Variants in CACNG2 observed in about 807,000 individuals in gnomAD.
CACNG2 encodes voltage-dependent calcium channel gamma-2 subunit.
Under a neutral mutation model 25.9 loss-of-function variants are expected in CACNG2, and 3 were observed. That is an observed-to-expected ratio of 0.12 (90% CI 0.05 to 0.30). The LOEUF (loss-of-function observed/expected upper bound fraction) is 0.30, where lower values mean the gene tolerates loss of function less well. CACNG2 is among the 10% of genes least tolerant of loss of function. The pLI is 1.00. For synonymous variants in CACNG2, 167 were observed against 173.3 expected, an observed-to-expected ratio of 0.96 and a Z score of 0.29; for missense variants, 341 against 432.5, an observed-to-expected ratio of 0.79 and a Z score of 1.88.
At chr22:36,626,210 G>A (rs935467337) in intron 1 of CACNG2, among the ~76,000 whole-genome samples, 6 of 152,306 alleles carry the variant, frequency 3.9e-5, no homozygotes, top group African/African-American at 1.2e-4. Flanking sequence ...GTGAGCCACC[G>A]CACCCGGCGA....
chr22:36,703,179 A>G lies in CACNG2; in HGVS notation c.-603T>C, dbSNP rs1200559498. The G allele has an allele frequency of 6.5e-6, 1 of 154,630 alleles. No homozygotes were observed. Among genetic ancestry groups the G allele is most frequent in the Non-Finnish European group, 1.4e-5 (1 of 70,016 alleles). 9.6% of individuals were successfully genotyped at this position (154,630 alleles called of 1,614,324 possible). A position where few individuals can be genotyped will look rare whatever the true frequency, so the allele number is the denominator to read the frequency against. ...AGACCAGACTTCCCAGTATTCTGTA[A>G]GCCCTTGAGCTCAGCTGCACAGGTG... On this transcript the variant is annotated 5_prime_UTR_variant, in exon 1 of 4. Coordinates refer to ENST00000300105, the MANE Select transcript of CACNG2 (RefSeq NM_006078.5).
intron 1 of CACNG2, among the ~76,000 whole-genome samples, chr22:36,612,695 G>A (rs1382238283): frequency 6.6e-6 from 1 of 152,162 alleles, no homozygotes; most frequent in Admixed American, 6.5e-5. Context: ...TCCAAAGAAT[G>A]TGCTTCCCAC....
At chr22:36,669,023 CG>C (rs1286114016) in intron 1 of CACNG2, among the ~76,000 whole-genome samples, 1 of 152,138 alleles carries the variant, frequency 6.6e-6, no homozygotes, top group East Asian at 1.9e-4. Flanking sequence ...TAATGTCTTC[CG>C]GAAGTGCCCT....
At chr22:36,628,007 C>T (rs1432693052) in intron 1 of CACNG2, among the ~76,000 whole-genome samples, 1 of 152,044 alleles carries the variant, frequency 6.6e-6, no homozygotes, top group African/African-American at 2.4e-5. Flanking sequence ...GAACTGAATC[C>T]TAATAATATA....
Position 36,622,259 on chromosome 22 carries a change from T to G in CACNG2, c.212-34711A>C, listed in dbSNP as rs545320652. ...GTGGCACAATACTTGAAATCGGCAG[T>G]TCTCAATTATTAGTGTGCCATGGAA... On this transcript the variant is annotated intron_variant, in intron 1 of 3. Transcript: ENST00000300105. Among the ~76,000 whole-genome samples the G allele has an allele frequency of 2.6e-5, 4 of 152,342 alleles. No homozygotes were observed. In the South Asian group the frequency reaches 8.3e-4, roughly 32 times the overall value.
chr22:36,618,969 A>C (rs1289957778), intron 1 of CACNG2, among the ~76,000 whole-genome samples: 3 of 152,084 alleles, frequency 2.0e-5, no homozygotes, highest in Non-Finnish European at 2.9e-5. Context: ...AAAAAACAAA[A>C]CAAAAGCCTT....
chr22:36,702,361 A>T lies in CACNG2; in HGVS notation c.211+5T>A, dbSNP rs202200754. ...AGAGGGGGGAGGAGATGGGAAGTCAAGTACCTTCTAGGCAGCAGGTTCTCC... is the reference window on the plus strand; with the variant it reads ...AGAGGGGGGAGGAGATGGGAAGTCATGTACCTTCTAGGCAGCAGGTTCTCC... On this transcript the variant is annotated splice_donor_5th_base_variant and intron_variant, in intron 1 of 3. Coordinates refer to ENST00000300105, the MANE Select transcript of CACNG2 (RefSeq NM_006078.5). 23 of 1,608,774 alleles carry T rather than the reference A, an allele frequency of 1.4e-5. No homozygotes were observed. The East Asian group carries it at 5.1e-4, about 36-fold the overall frequency.
chr22:36,663,670 G>T (rs891378202), intron 1 of CACNG2, among the ~76,000 whole-genome samples: 1 of 152,190 alleles, frequency 6.6e-6, no homozygotes, highest in African/African-American at 2.4e-5. Context: ...CATCCAAAGA[G>T]TTTGCAGCGC....
chr22:36,586,834 T>A (rs1252191962), intron 2 of CACNG2, among the ~76,000 whole-genome samples: 1 of 152,228 alleles, frequency 6.6e-6, no homozygotes, highest in African/African-American at 2.4e-5. Flanking sequence ...ACTTGAGACA[T>A]TTCCTTGGAG....
At chr22:36,598,793 A>T (rs1488060230) in intron 1 of CACNG2, among the ~76,000 whole-genome samples, 5 of 152,106 alleles carry the variant, frequency 3.3e-5, no homozygotes. Flanking sequence ...AGCCTGGCCA[A>T]CATGGTGAAA....
chr22:36,602,582 C>T (rs976243187), intron 1 of CACNG2, among the ~76,000 whole-genome samples: 4 of 152,080 alleles, frequency 2.6e-5, no homozygotes, highest in Non-Finnish European at 4.4e-5. Flanking sequence ...GACGGGGTTT[C>T]GCCATGTTGG....
intron 2 of CACNG2, among the ~76,000 whole-genome samples, chr22:36,586,047 C>T (rs1030880268): frequency 6.6e-6 from 1 of 152,276 alleles, no homozygotes. Context: ...GGGAATGTGG[C>T]TCCCAGTGTG....
chr22:36,604,600 T>C (rs1935803536), intron 1 of CACNG2, among the ~76,000 whole-genome samples: 1 of 152,172 alleles, frequency 6.6e-6, no homozygotes, highest in Non-Finnish European at 1.5e-5. Flanking sequence ...ACCACCCTGG[T>C]CAATCAGCAG....
intron 1 of CACNG2, among the ~76,000 whole-genome samples, chr22:36,618,429 C>T (rs896505368): frequency 6.6e-6 from 1 of 152,226 alleles, no homozygotes; most frequent in African/African-American, 2.4e-5. Context: ...AGCTGTATGG[C>T]CTAAGCGCCG....
At position 36,564,342 on chromosome 22, in the gene CACNG2, C is replaced by G; in HGVS notation, c.*9G>C. ...TCCTCCCGCGGTCTTCTGGCGAGGCCCGCGGTCTTTATACGGGGGTGGTCC... is the reference window on the plus strand; with the variant it reads ...TCCTCCCGCGGTCTTCTGGCGAGGCGCGCGGTCTTTATACGGGGGTGGTCC... On this transcript the variant is annotated 3_prime_UTR_variant, in exon 4 of 4. Transcript: ENST00000300105. The surrounding 1 kb of genome is among the most constrained non-coding windows in gnomAD (Gnocchi z 6.7). 1 of 1,610,804 alleles carries G rather than the reference C, an allele frequency of 6.2e-7. No individual in the cohort carries two copies. Among genetic ancestry groups the G allele is most frequent in the Non-Finnish European group, 8.5e-7 (1 of 1,178,608 alleles).
chr22:36,605,828 C>T (rs1175876368), intron 1 of CACNG2, among the ~76,000 whole-genome samples: 1 of 152,112 alleles, frequency 6.6e-6, no homozygotes, highest in East Asian at 1.9e-4. Flanking sequence ...CTCTGCTGTG[C>T]CAAGAGAGCC....
chr22:36,664,338 C>T (rs1037873614), intron 1 of CACNG2, among the ~76,000 whole-genome samples: 3 of 152,198 alleles, frequency 2.0e-5, no homozygotes, highest in African/African-American at 7.2e-5. Context: ...TTATTGATCG[C>T]CTACTCGATG....
chr22:36,578,776 C>G (rs1603500638), intron 2 of CACNG2, among the ~76,000 whole-genome samples: 1 of 152,082 alleles, frequency 6.6e-6, no homozygotes, highest in Non-Finnish European at 1.5e-5. Flanking sequence ...CTAGGGCGGG[C>G]GGTACCTTGT....
chr22:36,703,244 G>A lies in CACNG2; in HGVS notation c.-668C>T, dbSNP rs1937434587. The A allele has an allele frequency of 6.4e-6, 1 of 157,374 alleles. No individual in the cohort carries two copies. Among genetic ancestry groups the A allele is most frequent in the Non-Finnish European group, 1.3e-5 (1 of 74,638 alleles). The allele number at this position is 157,374 out of a possible 1,614,324, so 9.7% of individuals were successfully genotyped here. On this transcript the variant is annotated 5_prime_UTR_variant, in exon 1 of 4. Transcript: ENST00000300105. ...TCCATGGTTTTGCCCGGGCAGCGGC[G>A]GCGGCGGCGGCGGCGGCGGCAGGGC...
Sources: allele counts gnomAD v4.1 joint callset (sites outside exome capture counted in the v4.1 genomes callset), GRCh38; gene constraint gnomAD v4.1.1; non-coding constraint Gnocchi (gnomAD v3.1); transcripts MANE v1.5; gene names NCBI Gene and HGNC (gene_info 2026-07-23, HGNC 2026-07-21).